BTBD17: variants seen among roughly 807,000 people sequenced by gnomAD.
BTBD17 encodes BTB domain containing 17.
In BTBD17, 26 loss-of-function variants were observed where a neutral mutation model predicts 36.9. The observed-to-expected ratio is 0.70, with a 90% CI of 0.52 to 0.98. The LOEUF (loss-of-function observed/expected upper bound fraction) is 0.98, where lower values mean the gene tolerates loss of function less well. Among genes scored for constraint, BTBD17 ranks in the 50% least tolerant of loss-of-function variants. The pLI is 0.00. For synonymous variants in BTBD17, 341 were observed against 338.0 expected (o/e 1.01, Z -0.10); for missense variants, 630 against 691.3 (o/e 0.91, Z 0.99).
At position 74,356,608 on chromosome 17, in the gene BTBD17, A is replaced by G; in HGVS notation, c.*49T>C. The stretch of plus-strand genomic sequence containing the variant: ...CCTCCAGGCTCGCCTTGCCCTTCCC[A>G]GACCCACAGGGACCACCTAGGCCAG... On this transcript the variant is annotated 3_prime_UTR_variant, in exon 3 of 3. Transcript: ENST00000375366. The surrounding 1 kb of genome is among the most constrained non-coding windows in gnomAD (Gnocchi z 4.3). The G allele has an allele frequency of 7.1e-7, 1 of 1,403,524 alleles. No individual in the cohort carries two copies. The highest frequency in any genetic ancestry group is 3.1e-5 in the Admixed American group (1 of 32,770). 86.9% of individuals were successfully genotyped at this position (1,403,524 alleles called of 1,614,324 possible).
chr17:74,362,235 C>T (rs2144328367), upstream of BTBD17, among the ~76,000 whole-genome samples: 1 of 152,316 alleles, frequency 6.6e-6, no homozygotes, highest in East Asian at 1.9e-4. Context: ...AGGCCTCGGC[C>T]CTGGCACAGA....
chr17:74,362,847 A>G (rs1246922671), upstream of BTBD17, among the ~76,000 whole-genome samples: 1 of 152,192 alleles, frequency 6.6e-6, no homozygotes, highest in Non-Finnish European at 1.5e-5. Flanking sequence ...AATGTAAGGA[A>G]ACTGAGGCAG....
At position 74,357,072 on chromosome 17, in the gene BTBD17, G is replaced by A; in HGVS notation, c.1022C>T (p.Thr341Met). 2 of 1,535,052 alleles carry A rather than the reference G, an allele frequency of 1.3e-6. No homozygotes were observed. Among genetic ancestry groups the A allele is most frequent in the Admixed American group, 2.0e-5 (1 of 49,172 alleles). ...ARDDRSTSFQ[T>M]QLGPSGHDAG... ...GTCGTGGCCACTCGGGCCCAGCTGC[G>A]TCTGGAAGCTGGTGCTGCGGTCGTC... The change falls in exon 3 of 3, where the codon ACG becomes ATG. Residue 341 changes from threonine to methionine, a missense_variant. Transcript: ENST00000375366. The surrounding 1 kb of genome is among the most constrained non-coding windows in gnomAD (Gnocchi z 8.4).
rs2054891773 is a variant in BTBD17, at chr17:74,356,719, C to T, written c.1375G>A (p.Ala459Thr). 1.3e-6 allele frequency: 2 copies of T among 1,598,014 alleles called. No individual in the cohort carries two copies. Among genetic ancestry groups the T allele is most frequent in the African/African-American group, 2.7e-5 (2 of 73,880 alleles). Residue 459 changes from alanine (A) to threonine (T), a missense_variant, in exon 3 of 3, where the codon GCC becomes ACC. By Grantham distance (58) the Ala-to-Thr change is moderately conservative. Coordinates refer to ENST00000375366, the MANE Select transcript of BTBD17 (RefSeq NM_001080466.2). This position sits in a 1 kb window ranked among gnomAD's most constrained non-coding sequence, Gnocchi z 4.3. The part of the protein sequence containing the change: ...RRNSEYLVEN[A>T]LHLHLIVKPV... ...TTGACGATGAGGTGCAGGTGCAGGGCGTTCTCAACCAGGTACTCGGAGTTG... is the reference window on the plus strand; with the variant it reads ...TTGACGATGAGGTGCAGGTGCAGGGTGTTCTCAACCAGGTACTCGGAGTTG...
At chr17:74,358,743 C>G (rs73995264) in intron 2 of BTBD17, among the ~76,000 whole-genome samples, 10 of 152,096 alleles carry the variant, frequency 6.6e-5, no homozygotes, top group Non-Finnish European at 1.3e-4. Context: ...CACACGGCAC[C>G]GCACTTGCCT....
rs763444790 is a variant in BTBD17 at position 74,357,328 on chromosome 17, G to T, written c.766C>A (p.Arg256Ser). The change falls in exon 3 of 3, where the codon CGC becomes AGC. Residue 256 changes from arginine to serine, a missense_variant. By Grantham distance (110) the Arg-to-Ser change is moderately radical. Coordinates refer to ENST00000375366, the MANE Select transcript of BTBD17 (RefSeq NM_001080466.2). The surrounding 1 kb of genome is among the most constrained non-coding windows in gnomAD (Gnocchi z 8.4). ...AVAERALRAI[R>S]YPMIPPAQLF... ...TGTGCCGGTGGGATCATGGGGTAGC[G>T]TATGGCGCGCAGCGCCCGCTCGGCC... is the stretch of plus-strand genomic sequence containing the variant. 6.4e-7 allele frequency: 1 copy of T among 1,555,602 alleles called. No individual in the cohort carries two copies.
In BTBD17 at chr17:74,360,183, G is replaced by A; in HGVS notation, c.148C>T (p.Leu50Phe). ...CGCAGCAGCTCCTGCAAGCGCTGGAGCACCGCCTGGGAGTGGTTGATGGAG... is the reference window on the plus strand; with the variant it reads ...CGCAGCAGCTCCTGCAAGCGCTGGAACACCGCCTGGGAGTGGTTGATGGAG... The part of the protein sequence containing the change: ...GTSINHSQAV[L>F]QRLQELLRQG... Residue 50 changes from leucine (L) to phenylalanine (F), a missense_variant, in exon 2 of 3, where the codon CTC becomes TTC. Physicochemically the swap from Leu to Phe is conservative, Grantham distance 22. Coordinates refer to ENST00000375366, the MANE Select transcript of BTBD17 (RefSeq NM_001080466.2). 3 of 1,611,742 alleles carry A rather than the reference G, an allele frequency of 1.9e-6. No individual in the cohort carries two copies. The highest frequency in any genetic ancestry group is 2.5e-6 in the Non-Finnish European group (3 of 1,179,264).
chr17:74,361,401 G>T (rs2054936829), intron 1 of BTBD17, among the ~76,000 whole-genome samples: 1 of 152,230 alleles, frequency 6.6e-6, no homozygotes, highest in African/African-American at 2.4e-5. Flanking sequence ...GGAGGCCGAG[G>T]GACAAAGGGA....
At chr17:74,359,948 C>T (rs1162350503) in intron 2 of BTBD17, 21 bp downstream of exon 2, 1 of 1,597,374 alleles carries the variant, frequency 6.3e-7, no homozygotes, top group Admixed American at 1.7e-5. Context: ...GAAGCCATCC[C>T]CTAGTCTTCC....
chr17:74,359,760 G>A (rs535036236), intron 2 of BTBD17, among the ~76,000 whole-genome samples: 8 of 152,302 alleles, frequency 5.3e-5, no homozygotes, highest in African/African-American at 1.7e-4. Flanking sequence ...ACTAGGAACC[G>A]AAAGTGACAT....
Position 74,356,831 on chromosome 17 carries a change from GC to G in BTBD17, c.1262del (p.Gly421AlafsTer65). On this transcript the variant is annotated frameshift_variant, in exon 3 of 3. Coordinates refer to ENST00000375366, the MANE Select transcript of BTBD17 (RefSeq NM_001080466.2). LOFTEE classifies it high-confidence loss of function. This position sits in a 1 kb window ranked among gnomAD's most constrained non-coding sequence, Gnocchi z 4.3. ...TGTAGGCGTGGCGGACCAGCAGGCG[GC>G]CCTGCTGGCGCGCCCCCACCAGCAC... Reference protein sequence around the residue: ...KTVLVGARQQGRLLVRHAYSF... With the variant: ...KTVLVGARQQXRLLVRHAYSF... 6.4e-7 allele frequency: 1 copy of G among 1,570,242 alleles called. No homozygotes were observed. The highest frequency in any genetic ancestry group is 8.6e-7 in the Non-Finnish European group (1 of 1,164,340).
chr17:74,359,367 G>GTTT (rs2054921151), intron 2 of BTBD17, among the ~76,000 whole-genome samples: 1 of 148,490 alleles, frequency 6.7e-6, no homozygotes, highest in South Asian at 2.1e-4. Context: ...TTGTTTGTTT[G>GTTT]GTTGGTTGGT....
At position 74,356,741 on chromosome 17, in the gene BTBD17, G is replaced by C. The variant is rs1389120435; in HGVS notation, c.1353C>G (p.Asn451Lys). Reference protein sequence around the residue: ...FLAHADLQRRNSEYLVENALH... With the variant: ...FLAHADLQRRKSEYLVENALH... ...GGGCGTTCTCAACCAGGTACTCGGA[G>C]TTGCGCCGCTGCAGGTCGGCGTGCG... is the stretch of plus-strand genomic sequence containing the variant. The change falls in exon 3 of 3, where the codon AAC becomes AAG. Residue 451 changes from asparagine to lysine, a missense_variant. By Grantham distance (94) the Asn-to-Lys change is moderately conservative (BLOSUM62 0). Transcript: ENST00000375366. The surrounding 1 kb of genome is among the most constrained non-coding windows in gnomAD (Gnocchi z 4.3). 9.4e-6 allele frequency: 15 copies of C among 1,601,392 alleles called. No individual in the cohort carries two copies. The highest frequency in any genetic ancestry group is 1.3e-5 in the Non-Finnish European group (15 of 1,174,922).
Position 74,357,025 on chromosome 17 carries a change from T to C in BTBD17, c.1069A>G (p.Asn357Asp). Reference sequence around the variant, plus strand: ...AGCCAGCGCGGCGAGAAGAGCACGTTCCAGGTGACCCGGCGGCCCGCGTCG... The same window carrying C: ...AGCCAGCGCGGCGAGAAGAGCACGTCCCAGGTGACCCGGCGGCCCGCGTCG... ...GHDAGRRVTW[N>D]VLFSPRWLPV... Residue 357 changes from asparagine (N) to aspartate (D), a missense_variant, in exon 3 of 3, where the codon AAC becomes GAC. Physicochemically the swap from Asn to Asp is conservative, Grantham distance 23 (BLOSUM62 1). Transcript: ENST00000375366. This position sits in a 1 kb window ranked among gnomAD's most constrained non-coding sequence, Gnocchi z 8.4. The C allele has an allele frequency of 6.6e-7, 1 of 1,526,238 alleles. No individual in the cohort carries two copies. The highest frequency in any genetic ancestry group is 8.7e-7 in the Non-Finnish European group (1 of 1,148,946). 94.5% of individuals were successfully genotyped at this position (1,526,238 alleles called of 1,614,324 possible). A position where few individuals can be genotyped will look rare whatever the true frequency, so the allele number is the denominator to read the frequency against.
chr17:74,362,468 G>C (rs1293868420), upstream of BTBD17, among the ~76,000 whole-genome samples: 2 of 152,240 alleles, frequency 1.3e-5, no homozygotes, highest in Non-Finnish European at 2.9e-5. Flanking sequence ...CTGGAATGCT[G>C]TGGGGAGGGT....
Position 74,359,989 on chromosome 17 carries a change from A to G in BTBD17, c.342T>C (p.Ala114=), listed in dbSNP as rs1459688497. The change falls in exon 2 of 3, where the codon GCT becomes GCC. Residue 114 remains alanine (A), a synonymous_variant. Coordinates refer to ENST00000375366, the MANE Select transcript of BTBD17 (RefSeq NM_001080466.2). The stretch of plus-strand genomic sequence containing the variant: ...CCCACCTGATGAACTTGTCGAAGAC[A>G]GCGGCGCAGTCCTGTGGCTCCTGCA... ...AVLQEPQDCA[A]VFDKFIRYLY... 5 of 1,611,280 alleles carry G rather than the reference A, an allele frequency of 3.1e-6. No homozygotes were observed. Among genetic ancestry groups the G allele is most frequent in the Non-Finnish European group, 4.2e-6 (5 of 1,178,856 alleles).
In BTBD17 at chr17:74,359,993, G is replaced by A. The variant is rs2054926221; in HGVS notation, c.338C>T (p.Ala113Val). The change falls in exon 2 of 3, where the codon GCC (alanine) becomes GTC (valine). Residue 113 changes from alanine to valine, a missense_variant. Ala to Val is a moderately conservative substitution (Grantham distance 64). Transcript: ENST00000375366. Reference protein sequence around the residue: ...EAVLQEPQDCAAVFDKFIRYL... With the variant: ...EAVLQEPQDCVAVFDKFIRYL... ...CCTGATGAACTTGTCGAAGACAGCG[G>A]CGCAGTCCTGTGGCTCCTGCAGCAC... 1.9e-6 allele frequency: 3 copies of A among 1,611,718 alleles called. No homozygotes were observed. The highest frequency in any genetic ancestry group is 3.3e-5 in the Admixed American group (2 of 59,992).
At chr17:74,361,602 G>C (rs1215510899) in intron 1 of BTBD17, 133 bp downstream of exon 1, 6 of 669,156 alleles carry the variant, frequency 9.0e-6, no homozygotes, top group East Asian at 8.7e-5. Flanking sequence ...AGATGAGTCC[G>C]TGGAGCTGTC....
chr17:74,362,975 T>C (rs1328134619), upstream of BTBD17, among the ~76,000 whole-genome samples: 5 of 151,446 alleles, frequency 3.3e-5, no homozygotes, highest in African/African-American at 9.7e-5. Flanking sequence ...CATGTGTGTG[T>C]GTGTGTGTGT....
Sources: allele counts gnomAD v4.1 joint callset (sites outside exome capture counted in the v4.1 genomes callset), GRCh38; gene constraint gnomAD v4.1.1; non-coding constraint Gnocchi (gnomAD v3.1); transcripts MANE v1.5; gene names NCBI Gene and HGNC (gene_info 2026-07-23, HGNC 2026-07-21).